PCBP3: variants seen among roughly 807,000 people sequenced by gnomAD.
PCBP3 encodes the protein poly(rC) binding protein 3, also known as poly(rC)-binding protein 3.
In PCBP3, 25 loss-of-function variants were observed where a neutral mutation model predicts 52.7. The ratio of observed to expected loss-of-function variants is 0.47; its 90% CI spans 0.35 to 0.66. The LOEUF (loss-of-function observed/expected upper bound fraction) is 0.66, where lower values mean the gene tolerates loss of function less well. Ranked by LOEUF, PCBP3 falls within the 30% of genes least tolerant of loss-of-function variation. The probability of loss-of-function intolerance (pLI) is 0.01; values close to 1 mark genes in which losing one functional copy is unlikely to be tolerated. For missense variants in PCBP3, 391 were observed against 490.3 expected (o/e 0.80, Z 1.91); for synonymous variants, 162 against 183.0 (o/e 0.89, Z 0.93).
chr21:45,917,887 A>C lies in PCBP3; in HGVS notation c.717+258A>C. The C allele has an allele frequency of 6.0e-6, 3 of 502,166 alleles. No individual in the cohort carries two copies. Among genetic ancestry groups the C allele is most frequent in the Non-Finnish European group, 1.1e-5 (3 of 268,360 alleles). 31.1% of individuals were successfully genotyped at this position (502,166 alleles called of 1,614,324 possible). On this transcript the variant is annotated intron_variant, in intron 13 of 17. Coordinates refer to ENST00000681687, the MANE Select transcript of PCBP3 (RefSeq NM_001384156.1). This position sits in a 1 kb window ranked among gnomAD's most constrained non-coding sequence, Gnocchi z 5.3. ...GCAGTCCTGGGTTTTCCTCCCTCCCACGGGGCCTGGGAGGGAACTGAGACG... is the reference window on the plus strand; with the variant it reads ...GCAGTCCTGGGTTTTCCTCCCTCCCCCGGGGCCTGGGAGGGAACTGAGACG...
At chr21:45,927,954 G>A (rs1376782870) in intron 13 of PCBP3, among the ~76,000 whole-genome samples, 2 of 152,268 alleles carry the variant, frequency 1.3e-5, no homozygotes, top group African/African-American at 2.4e-5. Context: ...GGGGGTTTGC[G>A]GATCCCATCT....
intron 2 of PCBP3, among the ~76,000 whole-genome samples, chr21:45,696,221 G>A (rs2082766851): frequency 6.6e-6 from 1 of 151,508 alleles, no homozygotes; most frequent in Non-Finnish European, 1.5e-5. Flanking sequence ...AAGGAATATA[G>A]TAACGCTGCT....
chr21:45,832,606 A>G (rs561029675), intron 4 of PCBP3: 2 of 152,188 alleles, frequency 1.3e-5, no homozygotes, highest in Admixed American at 1.3e-4. Flanking sequence ...CCCCGTGCTG[A>G]CCTCGTGTTC....
intron 4 of PCBP3, among the ~76,000 whole-genome samples, chr21:45,825,064 G>T (rs1358872596): frequency 2.6e-5 from 4 of 152,208 alleles, no homozygotes; most frequent in African/African-American, 9.6e-5. Context: ...GTACCTGGCA[G>T]GGGGCCTCAG....
intron 4 of PCBP3, among the ~76,000 whole-genome samples, chr21:45,773,624 T>C (rs754140121): frequency 3.8e-4 from 58 of 152,240 alleles, no homozygotes; most frequent in Non-Finnish European, 7.9e-4. Flanking sequence ...AGTGCCATAC[T>C]GTTCTGGTTA....
chr21:45,657,879 T>C (rs1160508712), intron 1 of PCBP3, among the ~76,000 whole-genome samples: 1 of 152,250 alleles, frequency 6.6e-6, no homozygotes, highest in Non-Finnish European at 1.5e-5. Flanking sequence ...AATTCTTTGC[T>C]TCTAATCTGC....
At position 45,921,767 on chromosome 21, in the gene PCBP3, C is replaced by A. The variant is rs975523910; in HGVS notation, c.717+4138C>A. Among the ~76,000 whole-genome samples the A allele has an allele frequency of 1.8e-4, 28 of 151,890 alleles. 1 individual carries two copies. Among genetic ancestry groups the A allele is most frequent in the African/African-American group, 5.3e-4 (22 of 41,302 alleles). On this transcript the variant is annotated intron_variant, in intron 13 of 17. Transcript: ENST00000681687. The stretch of plus-strand genomic sequence containing the variant: ...CCGGGAGGTGGAGGTTGCAGTGAGC[C>A]AAGATCATCCCTCTGCACTCCAGCC...
chr21:45,814,808 G>T, intron 4 of PCBP3, among the ~76,000 whole-genome samples: 1 of 114,536 alleles, frequency 8.7e-6, no homozygotes, highest in African/African-American at 3.4e-5. Context: ...GGTGAGTGGT[G>T]AGTGAGTGGT....
chr21:45,912,513 T>A (rs1306355124), intron 11 of PCBP3, among the ~76,000 whole-genome samples: 1 of 152,110 alleles, frequency 6.6e-6, no homozygotes, highest in Non-Finnish European at 1.5e-5. Flanking sequence ...AGGAAAGGGC[T>A]GCCCAGGGTG....
chr21:45,662,024 C>CTGGATATTAGTCTTTTGT (rs2080426193), intron 1 of PCBP3, among the ~76,000 whole-genome samples: 1 of 151,844 alleles, frequency 6.6e-6, no homozygotes, highest in Non-Finnish European at 1.5e-5. Context: ...CTTGTAGATC[C>CTGGATATTAGTCTTTTGT]TGGATATTAG....
chr21:45,815,986 G>A (rs1454562866), intron 4 of PCBP3, among the ~76,000 whole-genome samples: 2 of 127,618 alleles, frequency 1.6e-5, no homozygotes, highest in Admixed American at 1.5e-4. Flanking sequence ...GTGGTGAGTG[G>A]TGAGTGAGTG....
intron 2 of PCBP3, among the ~76,000 whole-genome samples, chr21:45,698,436 T>G (rs1360180448): frequency 6.6e-6 from 1 of 152,248 alleles, no homozygotes; most frequent in Non-Finnish European, 1.5e-5. Flanking sequence ...ATAAATAATT[T>G]GTTGGGCTGA....
In PCBP3 at chr21:45,783,627, A is replaced by G. The variant is rs148215523; in HGVS notation, c.-126+28175A>G. On this transcript the variant is annotated intron_variant, in intron 4 of 17. Transcript: ENST00000681687. ...GTGAGGACGGGATTTTAACGTTGCA[A>G]GCTTCACAAGGTAGCCATGGTGATG... Among the ~76,000 whole-genome samples, 268 of 152,308 alleles carry G rather than the reference A, an allele frequency of 1.8e-3. 1 individual carries two copies. The highest frequency in any genetic ancestry group is 6.1e-3 in the African/African-American group (254 of 41,562).
intron 5 of PCBP3, chr21:45,871,086 GC>G: frequency 5.6e-6 from 1 of 179,112 alleles, no homozygotes; most frequent in Non-Finnish European, 1.2e-5. Context: ...AGGCAGTGCA[GC>G]CCAGTGCCCA....
chr21:45,718,571 G>A (rs939118988), intron 2 of PCBP3, among the ~76,000 whole-genome samples: 2 of 152,098 alleles, frequency 1.3e-5, no homozygotes, highest in African/African-American at 2.4e-5. Context: ...GATGCAGCTC[G>A]GGGGAAGGGG....
chr21:45,644,241 G>A (rs1043747774), intron 1 of PCBP3, among the ~76,000 whole-genome samples: 1 of 151,662 alleles, frequency 6.6e-6, no homozygotes, highest in Non-Finnish European at 1.5e-5. Context: ...TCTTGATTGA[G>A]AAGAGATCTG....
intron 2 of PCBP3, among the ~76,000 whole-genome samples, chr21:45,718,758 G>A (rs1028954764): frequency 3.3e-5 from 5 of 152,128 alleles, no homozygotes; most frequent in African/African-American, 1.2e-4. Context: ...GGAGAGGTAA[G>A]CTGTTAGTGG....
intron 4 of PCBP3, among the ~76,000 whole-genome samples, chr21:45,779,501 G>A (rs1293785664): frequency 6.6e-6 from 1 of 152,118 alleles, no homozygotes; most frequent in Non-Finnish European, 1.5e-5. Context: ...TCTCTCTTGG[G>A]TAATGTATTC....
intron 2 of PCBP3, among the ~76,000 whole-genome samples, chr21:45,713,526 G>A (rs371717117): frequency 6.6e-6 from 1 of 152,124 alleles, no homozygotes; most frequent in Non-Finnish European, 1.5e-5. Context: ...CCTCACTAAC[G>A]ACCACCTCAT....
Sources: gnomAD v4.1 joint callset for allele counts (sites outside exome capture counted in the v4.1 genomes callset) on GRCh38, gnomAD v4.1.1 for gene constraint, Gnocchi (gnomAD v3.1) non-coding constraint, MANE v1.5 for transcripts, NCBI Gene and HGNC (gene_info 2026-07-23, HGNC 2026-07-21) for gene names.